The following TAF2 variants were observed in gnomAD, a reference collection of about 807,000 sequenced individuals.
The protein encoded by TAF2 is TATA-box binding protein associated factor 2, also known as transcription initiation factor TFIID subunit 2.
A neutral mutation model predicts 138.5 loss-of-function variants in TAF2; 61 were observed. The ratio of observed to expected loss-of-function variants is 0.44; its 90% CI spans 0.36 to 0.54. The LOEUF (loss-of-function observed/expected upper bound fraction) is 0.54, where lower values mean the gene tolerates loss of function less well. TAF2 is among the 20% of genes least tolerant of loss of function. TAF2 has a pLI of 0.00. For missense variants in TAF2, 1,090 were observed against 1,427.9 expected, an observed-to-expected ratio of 0.76 and a Z score of 3.81; for synonymous variants, 475 against 469.9, an observed-to-expected ratio of 1.01 and a Z score of -0.14.
At chr8:119,819,264 A>C in intron 3 of TAF2, 82 bp downstream of exon 3, 1 of 1,439,106 alleles carries the variant, frequency 6.9e-7, no homozygotes, top group Non-Finnish European at 9.6e-7. Context: ...AAAAAAAAAT[A>C]CTTTGAGAAA....
intron 4 of TAF2, among the ~76,000 whole-genome samples, chr8:119,805,787 T>TATCA (rs1166125095): frequency 6.6e-6 from 1 of 152,100 alleles, no homozygotes; most frequent in Non-Finnish European, 1.5e-5. Context: ...CCTGAAATGG[T>TATCA]ATCATCCTGT....
At chr8:119,805,748 A>G (rs759292528) in intron 4 of TAF2, among the ~76,000 whole-genome samples, 49 of 152,260 alleles carry the variant, frequency 3.2e-4, no homozygotes, top group South Asian at 1.2e-3. Context: ...TTAAAAAACA[A>G]CGGTGAAATA....
In TAF2 at chr8:119,750,694, CAG is replaced by C. The variant is rs140832110; in HGVS notation, c.2879-3762_2879-3761del. 9.1e-3 allele frequency among the ~76,000 whole-genome samples: 1,392 copies of C among 152,254 alleles called. 18 individuals carry two copies. Among genetic ancestry groups the C allele is most frequent in the African/African-American group, 0.032 (1,327 of 41,544 alleles). On this transcript the variant is annotated intron_variant, in intron 22 of 25. Transcript: ENST00000378164. ...GGTATTAGGGAGAGAGACGGTGGGA[CAG>C]AGCTTTGAAACCTTCTGATGTTAAT... is the stretch of plus-strand genomic sequence containing the variant.
chr8:119,814,633 C>G (rs1825317503), intron 3 of TAF2, among the ~76,000 whole-genome samples: 1 of 151,228 alleles, frequency 6.6e-6, no homozygotes, highest in Non-Finnish European at 1.5e-5. Context: ...GTGGCTCATG[C>G]CTGTAATCCC....
At chr8:119,799,132 C>A (rs1327160341) in intron 6 of TAF2, among the ~76,000 whole-genome samples, 1 of 145,984 alleles carries the variant, frequency 6.9e-6, no homozygotes. Context: ...CGGTACTAAT[C>A]AAACATTGAT....
rs563544116 is a variant in TAF2 at position 119,815,089 on chromosome 8, C to G, written c.299+4257G>C. Reference sequence around the variant, plus strand: ...ACAAGGTCATGAGTTCGAGACTAACCTGACCAATATGGTGAAACCCTGTCT... The same window carrying G: ...ACAAGGTCATGAGTTCGAGACTAACGTGACCAATATGGTGAAACCCTGTCT... On this transcript the variant is annotated intron_variant, in intron 3 of 25. Coordinates refer to ENST00000378164, the MANE Select transcript of TAF2 (RefSeq NM_003184.4). Among the ~76,000 whole-genome samples, 515 of 150,906 alleles carry G rather than the reference C, an allele frequency of 3.4e-3. 2 individuals carry two copies. Among genetic ancestry groups the G allele is most frequent in the Non-Finnish European group, 5.7e-3 (385 of 67,724 alleles).
chr8:119,766,819 G>C (rs1821456875), intron 18 of TAF2, among the ~76,000 whole-genome samples: 1 of 151,936 alleles, frequency 6.6e-6, no homozygotes, highest in South Asian at 2.1e-4. Flanking sequence ...GGGCAGGAGA[G>C]CAAGACTCTC....
intron 3 of TAF2, among the ~76,000 whole-genome samples, chr8:119,807,172 C>T (rs563531588): frequency 6.6e-6 from 1 of 152,184 alleles, no homozygotes; most frequent in African/African-American, 2.4e-5. Context: ...CCTACCTCCA[C>T]CCATTAGTGC....
In TAF2 at chr8:119,768,327, C is replaced by T. The variant is rs571620320; in HGVS notation, c.2365-5719G>A. On this transcript the variant is annotated intron_variant, in intron 18 of 25. Transcript: ENST00000378164. ...GCCTCGTCCAGTCCACTACCTCCGG[C>T]TTTGTACCCCTTTACCATGAAGGTG... Among the ~76,000 whole-genome samples, 84 of 152,332 alleles carry T rather than the reference C, an allele frequency of 5.5e-4. 3 individuals carry two copies. Among genetic ancestry groups the T allele is most frequent in the East Asian group, 1.7e-3 (9 of 5,176 alleles).
At chr8:119,794,370 T>C (rs1261666197) in intron 9 of TAF2, among the ~76,000 whole-genome samples, 1 of 148,738 alleles carries the variant, frequency 6.7e-6, no homozygotes, top group Non-Finnish European at 1.5e-5. Context: ...CACTACAGCC[T>C]GAGCAACAGA....
rs894936721 is a variant in TAF2 at position 119,731,114 on chromosome 8, G to T, written c.*810C>A. 2.6e-5 allele frequency: 4 copies of T among 152,136 alleles called. No homozygotes were observed. The highest frequency in any genetic ancestry group is 4.4e-5 in the Non-Finnish European group (3 of 68,018). 9.4% of individuals were successfully genotyped at this position (152,136 alleles called of 1,614,324 possible). On this transcript the variant is annotated 3_prime_UTR_variant, in exon 26 of 26. Transcript: ENST00000378164. ...AGAAATAATTTTGGAAACAGTATGT[G>T]TTGGGTGTGTAAATTGTCCACATTA...
chr8:119,797,019 A>G lies in TAF2; in HGVS notation c.1062T>C (p.Phe354=). 1 of 1,613,334 alleles carries G rather than the reference A, an allele frequency of 6.2e-7. No individual in the cohort carries two copies. The highest frequency in any genetic ancestry group is 1.1e-5 in the South Asian group (1 of 91,050). The change falls in exon 8 of 26, where the codon TTT becomes TTC. Residue 354 remains phenylalanine (F), a synonymous_variant. Transcript: ENST00000378164. ...ACATTCTAGATATGAAACAACCAAA[A>G]AACTGCTGGGCCAAGGATTGGGCTA... The part of the protein sequence containing the change: ...RCLAQSLAQQ[F]FGCFISRMSW...
At chr8:119,806,215 G>A in intron 4 of TAF2, 68 bp downstream of exon 4, 1 of 1,337,408 alleles carries the variant, frequency 7.5e-7, no homozygotes. Flanking sequence ...TAGTTCTCAT[G>A]TAAAATTCTC....
intron 3 of TAF2, among the ~76,000 whole-genome samples, chr8:119,809,534 G>A (rs1441691861): frequency 6.6e-6 from 1 of 152,170 alleles, no homozygotes; most frequent in Non-Finnish European, 1.5e-5. Context: ...GGGGCCAAGA[G>A]GTCTAGCTTT....
chr8:119,803,466 A>G (rs1824403544), intron 5 of TAF2, among the ~76,000 whole-genome samples: 1 of 152,136 alleles, frequency 6.6e-6, no homozygotes, highest in South Asian at 2.1e-4. Context: ...TGAGGCAGGC[A>G]GATCACTTGA....
At chr8:119,788,494 C>T in intron 13 of TAF2, 47 bp from the exon 14 acceptor site, 1 of 1,383,852 alleles carries the variant, frequency 7.2e-7, no homozygotes, top group East Asian at 2.4e-5. Context: ...TTAAAAAATA[C>T]CAATATGTAT....
intron 6 of TAF2, among the ~76,000 whole-genome samples, chr8:119,799,278 G>A (rs1414417806): frequency 6.6e-6 from 1 of 151,966 alleles, no homozygotes. Flanking sequence ...TTTATATTAG[G>A]TATATCTCCT....
intron 23 of TAF2, among the ~76,000 whole-genome samples, 170 bp downstream of exon 23, chr8:119,746,535 A>T (rs1020488223): frequency 6.6e-6 from 1 of 152,322 alleles, no homozygotes; most frequent in South Asian, 2.1e-4. Flanking sequence ...AGTTGCCAGT[A>T]GCATTTTATA....
chr8:119,798,238 AAC>A (rs1169363021), intron 6 of TAF2, among the ~76,000 whole-genome samples: 12 of 152,192 alleles, frequency 7.9e-5, no homozygotes, highest in Non-Finnish European at 1.6e-4. Context: ...CTATCTTATC[AAC>A]AGTTAATGTT....
Sources: allele counts gnomAD v4.1 joint callset (sites outside exome capture counted in the v4.1 genomes callset), GRCh38; gene constraint gnomAD v4.1.1; transcripts MANE v1.5; gene names NCBI Gene and HGNC (gene_info 2026-07-23, HGNC 2026-07-21).